The following HECTD4 variants were observed in gnomAD, a reference collection of about 807,000 sequenced individuals.
The protein encoded by HECTD4 is probable E3 ubiquitin-protein ligase HECTD4.
In HECTD4, 114 loss-of-function variants were observed where a neutral mutation model predicts 471.5. The ratio of observed to expected loss-of-function variants is 0.24; its 90% CI spans 0.21 to 0.28. The LOEUF is 0.28. Ranked by LOEUF, HECTD4 falls within the 10% of genes least tolerant of loss-of-function variation. The pLI, the probability that HECTD4 is intolerant of heterozygous loss-of-function variation, is 1.00. For synonymous variants in HECTD4, 2,012 were observed against 2,256.0 expected, an observed-to-expected ratio of 0.89 and a Z score of 3.07; for missense variants, 3,866 against 5,651.5, an observed-to-expected ratio of 0.68 and a Z score of 10.13.
At position 112,381,601 on chromosome 12, in the gene HECTD4, G is replaced by A. The variant is rs1286297529; in HGVS notation, c.177+351C>T. Among the ~76,000 whole-genome samples the A allele has an allele frequency of 1.3e-5, 2 of 152,168 alleles. No individual in the cohort carries two copies. The highest frequency in any genetic ancestry group is 3.9e-4 in the East Asian group (2 of 5,178). On this transcript the variant is annotated intron_variant, in intron 1 of 75. Coordinates refer to ENST00000682272, the MANE Select transcript of HECTD4 (RefSeq NM_001388303.1). The surrounding 1 kb of genome is among the most constrained non-coding windows in gnomAD (Gnocchi z 4.1). ...TGTGCCCTGGAAGTGGGTCCTGGGG[G>A]CCCGTGGGGGAGGGGAGGGAGGGCC...
intron 44 of HECTD4, among the ~76,000 whole-genome samples, chr12:112,222,070 C>T (rs910251343): frequency 2.6e-5 from 4 of 152,008 alleles, no homozygotes; most frequent in Admixed American, 6.6e-5. Context: ...ACTACAGGTG[C>T]GTGCCACCAC....
At chr12:112,234,584 T>C (rs1008001987) in intron 37 of HECTD4, among the ~76,000 whole-genome samples, 3 of 152,238 alleles carry the variant, frequency 2.0e-5, no homozygotes, top group African/African-American at 7.2e-5. Context: ...GGGCAATGAC[T>C]ATATTTTTAC....
rs763205826 is a variant in HECTD4, at chr12:112,264,138, A to T, written c.2694T>A (p.Pro898=). ...AGCTGTCACTGTCATCATTCTCATC[A>T]GGTTTAATCAAAATAGTGTTACTGA... ...HLLSNTILIK[P]DENDDSDSSL... is the part of the protein sequence containing the mutation. The change falls in exon 17 of 76, where the codon CCT becomes CCA. Residue 898 remains proline (P), a synonymous_variant. Coordinates refer to ENST00000682272, the MANE Select transcript of HECTD4 (RefSeq NM_001388303.1). 6.2e-7 allele frequency: 1 copy of T among 1,608,612 alleles called. No individual in the cohort carries two copies. Among genetic ancestry groups the T allele is most frequent in the South Asian group, 1.1e-5 (1 of 89,512 alleles).
At chr12:112,177,234 T>A (rs1424391820) in intron 64 of HECTD4, among the ~76,000 whole-genome samples, 1 of 152,234 alleles carries the variant, frequency 6.6e-6, no homozygotes, top group East Asian at 1.9e-4. Flanking sequence ...TTTTTCTGGT[T>A]AAACAATTCC....
At position 112,243,783 on chromosome 12, in the gene HECTD4, C is replaced by G. The variant is rs1017172470; in HGVS notation, c.4650-22G>C. 3 of 1,610,408 alleles carry G rather than the reference C, an allele frequency of 1.9e-6. No homozygotes were observed. Among genetic ancestry groups the G allele is most frequent in the Non-Finnish European group, 2.5e-6 (3 of 1,177,238 alleles). On this transcript the variant is annotated intron_variant, in intron 30 of 75. Coordinates refer to ENST00000682272, the MANE Select transcript of HECTD4 (RefSeq NM_001388303.1). This position sits in a 1 kb window ranked among gnomAD's most constrained non-coding sequence, Gnocchi z 6.6. Reference sequence around the variant, plus strand: ...ACGCCTACGGGGAACACAGAACAGACTGGCAAGACGAGAAACACACTCAGG... The same window carrying G: ...ACGCCTACGGGGAACACAGAACAGAGTGGCAAGACGAGAAACACACTCAGG...
Position 112,308,435 on chromosome 12 carries a change from C to CAAAAA in HECTD4, c.1164+313_1164+317dup, listed in dbSNP as rs1044637619. ...CAAAATAGATCTGGTTCAAAAAAAG[C>CAAAAA]AAAAAAAAAAACAAAAACAAAACAA... On this transcript the variant is annotated intron_variant, in intron 6 of 75. Coordinates refer to ENST00000682272, the MANE Select transcript of HECTD4 (RefSeq NM_001388303.1). Among the ~76,000 whole-genome samples the CAAAAA allele has an allele frequency of 1.3e-4, 7 of 53,080 alleles. No homozygotes were observed. In the East Asian group the frequency reaches 3.8e-3, roughly 29 times the overall value. 34.8% of individuals were successfully genotyped at this position (53,080 alleles called of 152,430 possible).
Position 112,232,008 on chromosome 12 carries a change from A to T in HECTD4, c.5998-293T>A, listed in dbSNP as rs11066203. On this transcript the variant is annotated intron_variant, in intron 38 of 75. Transcript: ENST00000682272. The stretch of plus-strand genomic sequence containing the variant: ...TATCAGTTATCAGTGTATCGCGGAG[A>T]CTCTTCCACATCAATACACAGAGAT... 0.056 allele frequency among the ~76,000 whole-genome samples: 8,416 copies of T among 150,254 alleles called. 1,283 individuals are homozygous for T. The East Asian group carries it at 0.61, about 11-fold the overall frequency.
chr12:112,249,948 T>G, intron 25 of HECTD4, 196 bp downstream of exon 25: 2 of 583,800 alleles, frequency 3.4e-6, no homozygotes, highest in Non-Finnish European at 6.1e-6. Context: ...TGCTGCTGAC[T>G]GGTGGGCCAA....
chr12:112,329,282 ACTT>A (rs1198491572), intron 1 of HECTD4, among the ~76,000 whole-genome samples: 1 of 151,588 alleles, frequency 6.6e-6, no homozygotes, highest in African/African-American at 2.4e-5. Context: ...CTGTATACAT[ACTT>A]CTTATCAGAA....
chr12:112,254,607 C>G (rs946211255), intron 21 of HECTD4, among the ~76,000 whole-genome samples: 6 of 151,584 alleles, frequency 4.0e-5, no homozygotes, highest in Admixed American at 3.9e-4. Context: ...ATATCTAACA[C>G]AACAACAAAA....
At chr12:112,270,036 G>A (rs1593995421) in intron 12 of HECTD4, among the ~76,000 whole-genome samples, 187 bp from the exon 13 acceptor site, 1 of 152,092 alleles carries the variant, frequency 6.6e-6, no homozygotes, top group African/African-American at 2.4e-5. Flanking sequence ...ATTGTAATAC[G>A]CTATGTATAG....
In HECTD4 at chr12:112,163,455, C is replaced by A; in HGVS notation, c.12897+87G>T. The A allele has an allele frequency of 8.2e-7, 1 of 1,218,722 alleles. No homozygotes were observed. The highest frequency in any genetic ancestry group is 1.1e-6 in the Non-Finnish European group (1 of 889,250). The allele number at this position is 1,218,722 out of a possible 1,614,324, so 75.5% of individuals were successfully genotyped here. A position where few individuals can be genotyped will look rare whatever the true frequency, so the allele number is the denominator to read the frequency against. ...GGACAGAGCTGAGACAGGCCACTGC[C>A]GATGCCTGCTGCTGGAGTTGAGGGT... On this transcript the variant is annotated intron_variant, in intron 74 of 75. Transcript: ENST00000682272. This position sits in a 1 kb window ranked among gnomAD's most constrained non-coding sequence, Gnocchi z 8.2.
rs2032917120 is a variant in HECTD4, at chr12:112,216,384, CA to C, written c.7386-14del. On this transcript the variant is annotated splice_polypyrimidine_tract_variant and intron_variant, in intron 47 of 75. Transcript: ENST00000682272. The stretch of plus-strand genomic sequence containing the variant: ...GGCTCGGCCGTTGCTATGAAAAATA[CA>C]AAGAAGGGAGGTCAAAGACAAGAAA... 1 of 1,535,318 alleles carries C rather than the reference CA, an allele frequency of 6.5e-7. No individual in the cohort carries two copies. The highest frequency in any genetic ancestry group is 8.8e-7 in the Non-Finnish European group (1 of 1,132,068).
intron 52 of HECTD4, 101 bp downstream of exon 52, chr12:112,207,773 C>T (rs1593930617): frequency 7.5e-7 from 1 of 1,339,874 alleles, no homozygotes; most frequent in East Asian, 2.3e-5. Context: ...AAGTATGGTG[C>T]AACATTAGAT....
chr12:112,312,163 A>C (rs1382407221), intron 4 of HECTD4, among the ~76,000 whole-genome samples: 2 of 152,230 alleles, frequency 1.3e-5, no homozygotes, highest in African/African-American at 2.4e-5. Flanking sequence ...CCAGTTTCTT[A>C]GAGACTCACT....
chr12:112,333,199 C>T (rs1229594820), intron 1 of HECTD4, among the ~76,000 whole-genome samples: 1 of 152,132 alleles, frequency 6.6e-6, no homozygotes, highest in East Asian at 1.9e-4. Context: ...GTTTCCATCC[C>T]CCTTGTGTAA....
chr12:112,337,670 C>T (rs12322102), intron 1 of HECTD4, among the ~76,000 whole-genome samples: 23,731 of 152,144 alleles, frequency 0.16, 2,489 homozygotes, highest in African/African-American at 0.3. Flanking sequence ...ATCTACAACA[C>T]ATGCATAAAC....
Position 112,164,087 on chromosome 12 carries a change from CCT to C in HECTD4, c.12701+20_12701+21del, listed in dbSNP as rs769593423. ...CTGGCCGGGCCAGCCCCTGCCAGCC[CCT>C]GACACGCGCACACACTCACGCCACA... On this transcript the variant is annotated intron_variant, in intron 73 of 75. Transcript: ENST00000682272. 22 of 1,434,454 alleles carry C rather than the reference CCT, an allele frequency of 1.5e-5. No individual in the cohort carries two copies. Among genetic ancestry groups the C allele is most frequent in the South Asian group, 6.0e-5 (4 of 66,526 alleles). The allele number at this position is 1,434,454 out of a possible 1,614,324, so 88.9% of individuals were successfully genotyped here. A position where few individuals can be genotyped will look rare whatever the true frequency, so the allele number is the denominator to read the frequency against.
chr12:112,184,504 A>T lies in HECTD4; in HGVS notation c.10462T>A (p.Ser3488Thr). The part of the protein sequence containing the change: ...TPAMSISASA[S>T]TSQASICSSQ... ...CTGCAGATGGAGGCCTGGCTGGTGG[A>T]GGCGGAGGCGCTGATGCTCATGGCG... Residue 3488 changes from serine (S) to threonine (T), a missense_variant, in exon 61 of 76, where the codon TCC becomes ACC. Ser to Thr is a moderately conservative substitution (Grantham distance 58). Around this residue, in one of 16 missense-constraint regions of HECTD4, gnomAD observed 192 missense variants for 189.9 expected, o/e 1.01. Transcript: ENST00000682272. This position sits in a 1 kb window ranked among gnomAD's most constrained non-coding sequence, Gnocchi z 9.1. The T allele has an allele frequency of 1.2e-6, 2 of 1,609,746 alleles. No individual in the cohort carries two copies. The highest frequency in any genetic ancestry group is 1.7e-6 in the Non-Finnish European group (2 of 1,178,442).
Sources: gnomAD v4.1 joint callset for allele counts (sites outside exome capture counted in the v4.1 genomes callset) on GRCh38, gnomAD v4.1.1 for gene constraint, gnomAD v4.1.1 regional missense constraint, Gnocchi (gnomAD v3.1) non-coding constraint, MANE v1.5 for transcripts, NCBI Gene and HGNC (gene_info 2026-07-23, HGNC 2026-07-21) for gene names.